Variants in SGCZ observed in about 807,000 individuals in gnomAD.
SGCZ encodes zeta-sarcoglycan.
Under a neutral mutation model 41.3 loss-of-function variants are expected in SGCZ, and 40 were observed. The ratio of observed to expected loss-of-function variants is 0.97; its 90% confidence interval spans 0.75 to 1.26. The LOEUF is 1.26. SGCZ is among the 50% of genes most tolerant of loss of function. SGCZ has a pLI of 0.00. For synonymous variants in SGCZ, 206 were observed against 137.5 expected (o/e 1.50, Z -3.49); for missense variants, 552 against 369.8 (o/e 1.49, Z -4.04).
At chr8:14,293,936 T>C (rs1427492750) in intron 3 of SGCZ, among the ~76,000 whole-genome samples, 2 of 151,804 alleles carry the variant, frequency 1.3e-5, no homozygotes, top group African/African-American at 4.8e-5. Context: ...TTTAGTGGTA[T>C]CAAGTCAAGA....
At chr8:14,350,545 A>C (rs1157144243) in intron 2 of SGCZ, among the ~76,000 whole-genome samples, 1 of 152,010 alleles carries the variant, frequency 6.6e-6, no homozygotes, top group Non-Finnish European at 1.5e-5. Flanking sequence ...TACCCCATCT[A>C]TTTGGAGAGT....
intron 1 of SGCZ, among the ~76,000 whole-genome samples, chr8:14,770,532 T>G: frequency 6.6e-6 from 1 of 151,988 alleles, no homozygotes; most frequent in South Asian, 2.1e-4. Context: ...ATATATATGG[T>G]TTATGTTCTC....
intron 1 of SGCZ, among the ~76,000 whole-genome samples, chr8:14,722,691 T>C (rs1210752359): frequency 6.6e-6 from 1 of 151,976 alleles, no homozygotes; most frequent in Non-Finnish European, 1.5e-5. Flanking sequence ...ACTGAGATGA[T>C]AACATTCAAG....
intron 1 of SGCZ, among the ~76,000 whole-genome samples, chr8:14,571,641 A>G (rs949992324): frequency 6.6e-6 from 1 of 152,220 alleles, no homozygotes. Context: ...TTCGAGCTCT[A>G]TATTCCAAGC....
chr8:14,551,589 A>ACATAAAAT (rs1284904049), intron 2 of SGCZ, among the ~76,000 whole-genome samples: 2 of 34,038 alleles, frequency 5.9e-5, no homozygotes, highest in African/African-American at 3.4e-4. Context: ...TAATATATAT[A>ACATAAAAT]ATATATATTA....
chr8:14,802,925 C>G (rs886559759), intron 1 of SGCZ, among the ~76,000 whole-genome samples: 2 of 152,182 alleles, frequency 1.3e-5, no homozygotes, highest in African/African-American at 2.4e-5. Flanking sequence ...GCTAAAGCAG[C>G]AGGACCTTAT....
intron 1 of SGCZ, among the ~76,000 whole-genome samples, chr8:15,204,740 AT>A (rs1408726508): frequency 6.6e-6 from 1 of 152,124 alleles, no homozygotes; most frequent in Non-Finnish European, 1.5e-5. Context: ...AATATTAATC[AT>A]CTCTACTTTT....
At chr8:14,671,548 A>G (rs902441468) in intron 1 of SGCZ, among the ~76,000 whole-genome samples, 2 of 152,174 alleles carry the variant, frequency 1.3e-5, no homozygotes, top group African/African-American at 4.8e-5. Flanking sequence ...TTATTTTGCA[A>G]CTCTGTACTG....
intron 1 of SGCZ, among the ~76,000 whole-genome samples, chr8:14,997,521 A>T (rs1178787593): frequency 6.6e-6 from 1 of 152,226 alleles, no homozygotes; most frequent in African/African-American, 2.4e-5. Flanking sequence ...TTATGCAAAG[A>T]TCATATAATC....
rs112025953 is a variant in SGCZ at position 14,547,101 on chromosome 8, C to G, written c.234+7631G>C. Among the ~76,000 whole-genome samples the G allele has an allele frequency of 2.4e-3, 366 of 151,874 alleles. 2 individuals are homozygous for G. Among genetic ancestry groups the G allele is most frequent in the African/African-American group, 8.4e-3 (348 of 41,398 alleles). The stretch of plus-strand genomic sequence containing the variant: ...CATATTTAAATGGCTATAGCCTGAA[C>G]GTTATAATTCAGGGTATTTTACAAA... On this transcript the variant is annotated intron_variant, in intron 2 of 7. Transcript: ENST00000382080.
At chr8:14,790,314 G>T (rs1585262391) in intron 1 of SGCZ, among the ~76,000 whole-genome samples, 1 of 152,058 alleles carries the variant, frequency 6.6e-6, no homozygotes, top group Non-Finnish European at 1.5e-5. Flanking sequence ...TGCAAAAACA[G>T]TTATTTTGTA....
rs564707582 is a variant in SGCZ, at chr8:14,279,098, A to G, written c.337-41419T>C. Among the ~76,000 whole-genome samples the G allele has an allele frequency of 4.1e-4, 62 of 152,208 alleles. 1 individual carries two copies. Among genetic ancestry groups the G allele is most frequent in the African/African-American group, 1.4e-3 (60 of 41,554 alleles). ...ACTATATAATTTAATCTTAATTACC[A>G]TCTTAGGTTGAATTCCCTAGAAATC... is the stretch of plus-strand genomic sequence containing the variant. On this transcript the variant is annotated intron_variant, in intron 3 of 7. Coordinates refer to ENST00000382080, the MANE Select transcript of SGCZ (RefSeq NM_139167.4).
intron 1 of SGCZ, among the ~76,000 whole-genome samples, chr8:14,709,079 G>A (rs549103000): frequency 5.2e-4 from 79 of 152,214 alleles, no homozygotes; most frequent in Non-Finnish European, 9.0e-4. Flanking sequence ...CAGTGAAGAA[G>A]AATAAAAATT....
intron 1 of SGCZ, among the ~76,000 whole-genome samples, chr8:15,076,165 AT>A (rs1443524322): frequency 1.3e-5 from 2 of 152,272 alleles, no homozygotes; most frequent in East Asian, 3.9e-4. Flanking sequence ...ATTGTGAGCC[AT>A]TTTTTATGGC....
At chr8:14,487,591 T>C (rs1036535658) in intron 2 of SGCZ, among the ~76,000 whole-genome samples, 2 of 128,220 alleles carry the variant, frequency 1.6e-5, no homozygotes, top group African/African-American at 5.7e-5. Context: ...ATTATGTTTC[T>C]TAGGGGTAAA....
rs184536036 is a variant in SGCZ, at chr8:15,151,842, T to C, written c.39+85743A>G. ...TGTTTTTCAACTCTGTAATGATCCA[T>C]CAATATACTGGCTTTTTCATCTTCA... On this transcript the variant is annotated intron_variant, in intron 1 of 7. Coordinates refer to ENST00000382080, the MANE Select transcript of SGCZ (RefSeq NM_139167.4). Among the ~76,000 whole-genome samples the C allele has an allele frequency of 8.5e-5, 13 of 152,316 alleles. No homozygotes were observed. The East Asian group carries it at 1.9e-3, about 23-fold the overall frequency.
At chr8:15,062,820 GATTA>G (rs1175395407) in intron 1 of SGCZ, among the ~76,000 whole-genome samples, 1 of 152,092 alleles carries the variant, frequency 6.6e-6, no homozygotes, top group East Asian at 1.9e-4. Flanking sequence ...CACTACATAT[GATTA>G]ATCGATTTGG....
intron 1 of SGCZ, among the ~76,000 whole-genome samples, chr8:14,740,418 C>G (rs1297361778): frequency 6.6e-6 from 1 of 151,798 alleles, no homozygotes; most frequent in Non-Finnish European, 1.5e-5. Context: ...CTTTTATAAC[C>G]AAAGTTTTAC....
chr8:14,493,114 T>G (rs1801888869), intron 2 of SGCZ, among the ~76,000 whole-genome samples: 1 of 152,034 alleles, frequency 6.6e-6, no homozygotes, highest in South Asian at 2.1e-4. Context: ...CAATTTGCAT[T>G]GTAAATTGCT....
Sources: gnomAD v4.1 joint callset for allele counts (sites outside exome capture counted in the v4.1 genomes callset) on GRCh38, gnomAD v4.1.1 for gene constraint, MANE v1.5 for transcripts, NCBI Gene and HGNC (gene_info 2026-07-23, HGNC 2026-07-21) for gene names.